Variants in CNTN4 observed in about 807,000 individuals in gnomAD.
The protein encoded by CNTN4 is contactin 4.
A neutral mutation model predicts 122.5 loss-of-function variants in CNTN4; 77 were observed. The ratio of observed to expected loss-of-function variants is 0.63; its 90% CI spans 0.52 to 0.76. The LOEUF (loss-of-function observed/expected upper bound fraction) is 0.76. Ranked by LOEUF, CNTN4 falls within the 30% of genes least tolerant of loss-of-function variation. The pLI is 0.00. For missense variants in CNTN4, 1,256 were observed against 1,259.1 expected (o/e 1.00, Z 0.04); for synonymous variants, 512 against 447.0 (o/e 1.15, Z -1.83).
chr3:2,323,482 T>G (rs1268803396), intron 2 of CNTN4, among the ~76,000 whole-genome samples: 2 of 152,196 alleles, frequency 1.3e-5, no homozygotes, highest in East Asian at 3.8e-4. Flanking sequence ...CTTTTAGAAG[T>G]ATTTGTACAG....
intron 3 of CNTN4, among the ~76,000 whole-genome samples, chr3:2,557,394 C>G (rs2078762780): frequency 6.6e-6 from 1 of 152,164 alleles, no homozygotes; most frequent in Non-Finnish European, 1.5e-5. Context: ...TTTTAGCATA[C>G]AAGAAGTACA....
At chr3:2,812,704 A>G (rs1443593053) in intron 6 of CNTN4, among the ~76,000 whole-genome samples, 2 of 152,156 alleles carry the variant, frequency 1.3e-5, no homozygotes, top group African/African-American at 2.4e-5. Flanking sequence ...TGATAGTGCT[A>G]ACATTTATAG....
At chr3:2,447,471 A>G (rs1333565704) in intron 3 of CNTN4, among the ~76,000 whole-genome samples, 16 of 152,160 alleles carry the variant, frequency 1.1e-4, no homozygotes, top group Admixed American at 9.8e-4. Flanking sequence ...ACATTTAAAT[A>G]TGCTATGTCT....
chr3:2,228,997 A>G (rs1213465439), intron 2 of CNTN4, among the ~76,000 whole-genome samples: 1 of 152,162 alleles, frequency 6.6e-6, no homozygotes, highest in African/African-American at 2.4e-5. Context: ...TCTGCTGTAT[A>G]TAAGAATGAT....
intron 3 of CNTN4, among the ~76,000 whole-genome samples, chr3:2,388,924 G>A (rs1219111616): frequency 2.0e-5 from 3 of 150,674 alleles, no homozygotes; most frequent in Admixed American, 1.3e-4. Context: ...TTGGGAGGCC[G>A]GGGTGGGTAG....
chr3:2,344,103 C>T (rs1281291338), intron 3 of CNTN4, among the ~76,000 whole-genome samples: 1 of 152,094 alleles, frequency 6.6e-6, no homozygotes, highest in Non-Finnish European at 1.5e-5. Context: ...AAACACCTCG[C>T]ACTAGGCCCC....
intron 3 of CNTN4, among the ~76,000 whole-genome samples, chr3:2,368,675 A>G (rs968448394): frequency 2.0e-5 from 3 of 152,068 alleles, no homozygotes; most frequent in Admixed American, 2.0e-4. Context: ...ATAATAAAAA[A>G]AAACTGAACA....
At chr3:2,377,775 A>ATT (rs113134614) in intron 3 of CNTN4, among the ~76,000 whole-genome samples, 4,359 of 150,454 alleles carry the variant, frequency 0.029, 207 homozygotes, top group African/African-American at 0.095. Flanking sequence ...TTTTGTGATT[A>ATT]TTTTTTTTTA....
intron 4 of CNTN4, among the ~76,000 whole-genome samples, chr3:2,601,697 T>G (rs1427867275): frequency 2.0e-5 from 3 of 152,206 alleles, no homozygotes; most frequent in African/African-American, 7.2e-5. Flanking sequence ...GGGCTCTATT[T>G]TGGTTCCATC....
intron 4 of CNTN4, among the ~76,000 whole-genome samples, chr3:2,580,969 T>C (rs755584713): frequency 2.0e-5 from 3 of 152,234 alleles, no homozygotes; most frequent in Admixed American, 6.5e-5. Context: ...TGTCATGCTA[T>C]GATGATAACT....
At chr3:2,581,919 A>G (rs2079958140) in intron 4 of CNTN4, among the ~76,000 whole-genome samples, 1 of 152,226 alleles carries the variant, frequency 6.6e-6, no homozygotes, top group Admixed American at 6.5e-5. Context: ...GTATGATTCC[A>G]TTTATGGACT....
intron 14 of CNTN4, among the ~76,000 whole-genome samples, chr3:3,021,561 A>G (rs779047562): frequency 6.6e-6 from 1 of 152,210 alleles, no homozygotes; most frequent in Admixed American, 6.5e-5. Flanking sequence ...CAAAACCATT[A>G]GAGTCAAGAA....
At chr3:2,847,217 C>G (rs1426928432) in intron 7 of CNTN4, among the ~76,000 whole-genome samples, 1 of 150,876 alleles carries the variant, frequency 6.6e-6, no homozygotes, top group African/African-American at 2.4e-5. Context: ...TAAACTGTGA[C>G]CTTGGCACCC....
chr3:2,649,568 T>G (rs2083275234), intron 4 of CNTN4, among the ~76,000 whole-genome samples: 1 of 152,184 alleles, frequency 6.6e-6, no homozygotes, highest in Non-Finnish European at 1.5e-5. Flanking sequence ...AAAAGATTCC[T>G]TTCAAAATAT....
At chr3:3,000,405 G>A (rs1339229743) in intron 14 of CNTN4, among the ~76,000 whole-genome samples, 1 of 152,052 alleles carries the variant, frequency 6.6e-6, no homozygotes, top group Non-Finnish European at 1.5e-5. Context: ...TGGGAGGGGA[G>A]GGGTGGTCAG....
At chr3:2,715,593 C>G (rs11711025) in intron 4 of CNTN4, among the ~76,000 whole-genome samples, 25,344 of 152,190 alleles carry the variant, frequency 0.17, 2,200 homozygotes, top group African/African-American at 0.2. Context: ...GCTGTCATAA[C>G]AAAATACCAT....
chr3:2,999,838 A>G (rs1359575087), intron 14 of CNTN4, among the ~76,000 whole-genome samples: 1 of 152,188 alleles, frequency 6.6e-6, no homozygotes, highest in African/African-American at 2.4e-5. Flanking sequence ...GATTTATGTC[A>G]ATGGGGGAAT....
At chr3:2,997,682 C>G (rs1479541852) in intron 14 of CNTN4, among the ~76,000 whole-genome samples, 1 of 152,190 alleles carries the variant, frequency 6.6e-6, no homozygotes, top group Non-Finnish European at 1.5e-5. Flanking sequence ...TTCATCATCT[C>G]TCTCTGATTT....
intron 2 of CNTN4, among the ~76,000 whole-genome samples, chr3:2,264,909 T>C (rs937665554): frequency 6.6e-6 from 1 of 152,126 alleles, no homozygotes; most frequent in African/African-American, 2.4e-5. Flanking sequence ...GGTATTTTGT[T>C]ACATGAATAA....
Sources: gnomAD v4.1 joint callset for allele counts (sites outside exome capture counted in the v4.1 genomes callset) on GRCh38, gnomAD v4.1.1 for gene constraint, MANE v1.5 for transcripts, NCBI Gene and HGNC (gene_info 2026-07-23, HGNC 2026-07-21) for gene names.